The following BRD1 variants were observed in gnomAD, a reference collection of about 807,000 sequenced individuals.
The protein encoded by BRD1 is bromodomain-containing protein 1.
Under a neutral mutation model 107.7 loss-of-function variants are expected in BRD1, and 24 were observed. The observed-to-expected ratio is 0.22, with a 90% CI of 0.16 to 0.31. The LOEUF is 0.31. Ranked by LOEUF, BRD1 falls within the 10% of genes least tolerant of loss-of-function variation. BRD1 has a pLI of 1.00. For missense variants in BRD1, 1,279 were observed against 1,638.6 expected (o/e 0.78, Z 3.79); for synonymous variants, 744 against 686.1 (o/e 1.08, Z -1.32).
intron 2 of BRD1, among the ~76,000 whole-genome samples, chr22:49,812,717 G>A (rs1173793272): frequency 6.6e-6 from 1 of 152,240 alleles, no homozygotes; most frequent in Non-Finnish European, 1.5e-5. Flanking sequence ...AGTCTGACAA[G>A]GTGAAGCAGG....
At chr22:49,784,577 C>A (rs754923365) in intron 8 of BRD1, among the ~76,000 whole-genome samples, 19 of 152,254 alleles carry the variant, frequency 1.2e-4, no homozygotes, top group Admixed American at 2.6e-4. Flanking sequence ...ACCAGCGACC[C>A]TGTTCAGCCT....
rs2059112808 is a variant in BRD1 at position 49,776,982 on chromosome 22, G to C, written c.3121+52C>G. The C allele has an allele frequency of 2.5e-6, 4 of 1,607,582 alleles. No homozygotes were observed. In the Admixed American group the frequency reaches 6.7e-5, roughly 27 times the overall value. Reference sequence around the variant, plus strand: ...CCAGTCCCCAGCAGTCGAGCCCTAAGACGCTAACCAGGAGGTGTGGAGAGC... The same window carrying C: ...CCAGTCCCCAGCAGTCGAGCCCTAACACGCTAACCAGGAGGTGTGGAGAGC... On this transcript the variant is annotated intron_variant, in intron 10 of 12. Coordinates refer to ENST00000404760, the MANE Select transcript of BRD1 (RefSeq NM_001304808.3).
chr22:49,811,418 C>G (rs903512525), intron 2 of BRD1, among the ~76,000 whole-genome samples: 2 of 152,118 alleles, frequency 1.3e-5, no homozygotes, highest in African/African-American at 4.8e-5. Flanking sequence ...GACAAGAGTC[C>G]CCCCTTAACC....
Position 49,783,300 on chromosome 22 carries a change from A to G in BRD1, c.2857+4090T>C, listed in dbSNP as rs9616745. On this transcript the variant is annotated intron_variant, in intron 8 of 12. Coordinates refer to ENST00000404760, the MANE Select transcript of BRD1 (RefSeq NM_001304808.3). The surrounding 1 kb of genome is among the most constrained non-coding windows in gnomAD (Gnocchi z 4.2). ...TGACCAGCAAGAGACAAACAGCAGC[A>G]CTGCTCAAGAATCCACTGGGCATTG... 0.08 allele frequency among the ~76,000 whole-genome samples: 12,260 copies of G among 152,336 alleles called. 644 individuals carry two copies. The highest frequency in any genetic ancestry group is 0.11 in the Non-Finnish European group (7,503 of 68,024).
chr22:49,818,912 T>G (rs1440580339), intron 2 of BRD1, among the ~76,000 whole-genome samples: 1 of 151,532 alleles, frequency 6.6e-6, no homozygotes, highest in African/African-American at 2.4e-5. Flanking sequence ...TCTATACAGG[T>G]GCAACTCAAT....
intron 2 of BRD1, among the ~76,000 whole-genome samples, chr22:49,809,750 A>C (rs1601707845): frequency 6.6e-6 from 1 of 152,146 alleles, no homozygotes; most frequent in Non-Finnish European, 1.5e-5. Context: ...GAAGGAAGTG[A>C]CCAAATTCCA....
chr22:49,813,041 G>A (rs1404510945), intron 2 of BRD1, among the ~76,000 whole-genome samples: 1 of 152,164 alleles, frequency 6.6e-6, no homozygotes, highest in Admixed American at 6.5e-5. Context: ...CAACCCAGAT[G>A]ACTCACCAGG....
intron 7 of BRD1, among the ~76,000 whole-genome samples, chr22:49,793,480 A>C (rs1307855192): frequency 1.3e-5 from 2 of 151,942 alleles, no homozygotes; most frequent in Non-Finnish European, 2.9e-5. Context: ...CTACCTACCA[A>C]CTCTGCAGAG....
intron 7 of BRD1, among the ~76,000 whole-genome samples, chr22:49,789,946 T>A (rs991209185): frequency 5.3e-5 from 8 of 152,120 alleles, no homozygotes; most frequent in African/African-American, 1.9e-4. Context: ...CCCTGGTCTA[T>A]CCCAAAGCGG....
Position 49,774,110 on chromosome 22 carries a change from T to A in BRD1, c.*123A>T. The A allele has an allele frequency of 7.6e-7, 1 of 1,314,576 alleles. No homozygotes were observed. The highest frequency in any genetic ancestry group is 1.0e-6 in the Non-Finnish European group (1 of 987,530). 81.4% of individuals were successfully genotyped at this position (1,314,576 alleles called of 1,614,324 possible). A position where few individuals can be genotyped will look rare whatever the true frequency, so the allele number is the denominator to read the frequency against. On this transcript the variant is annotated 3_prime_UTR_variant, in exon 13 of 13. Coordinates refer to ENST00000404760, the MANE Select transcript of BRD1 (RefSeq NM_001304808.3). ...AAACTTGGAAATAAAACCTCCCCCC[T>A]CCCCGGGGAAAAAGAATTAAAGAGC...
Position 49,794,147 on chromosome 22 carries a change from G to A in BRD1, c.2246C>T (p.Ala749Val). The A allele has an allele frequency of 1.2e-6, 2 of 1,614,250 alleles. No homozygotes were observed. The highest frequency in any genetic ancestry group is 1.7e-5 in the Admixed American group (1 of 60,032). The change falls in exon 7 of 13, where the codon GCC (alanine) becomes GTC (valine). Residue 749 changes from alanine (A) to valine (V), a missense_variant. Physicochemically the swap from Ala to Val is moderately conservative, Grantham distance 64. Around this residue, in one of 7 missense-constraint regions of BRD1, gnomAD observed 406 missense variants for 519.4 expected, o/e 0.78. Coordinates refer to ENST00000404760, the MANE Select transcript of BRD1 (RefSeq NM_001304808.3). ...KRAKLLKKEI[A>V]LLRNKLSQQH... Reference sequence around the variant, plus strand: ...CTGGCTCAGCTTGTTTCGGAGAAGGGCAATTTCCTTTTTGAGCAGCTTTGC... The same window carrying A: ...CTGGCTCAGCTTGTTTCGGAGAAGGACAATTTCCTTTTTGAGCAGCTTTGC...
Position 49,792,152 on chromosome 22 carries a change from C to T in BRD1, c.2359+1882G>A, listed in dbSNP as rs1449118605. On this transcript the variant is annotated intron_variant, in intron 7 of 12. Coordinates refer to ENST00000404760, the MANE Select transcript of BRD1 (RefSeq NM_001304808.3). The surrounding 1 kb of genome is among the most constrained non-coding windows in gnomAD (Gnocchi z 4.2). ...GTGCGGGGTCCTCAGCCCTGTGACC[C>T]AATGGCAATGGAGGAAGCCACTGAT... Among the ~76,000 whole-genome samples the T allele has an allele frequency of 6.7e-6, 1 of 148,586 alleles. No individual in the cohort carries two copies. The highest frequency in any genetic ancestry group is 1.5e-5 in the Non-Finnish European group (1 of 67,830).
intron 7 of BRD1, among the ~76,000 whole-genome samples, chr22:49,790,674 G>A (rs1002740160): frequency 2.4e-4 from 36 of 152,210 alleles, no homozygotes; most frequent in Admixed American, 7.2e-4. Flanking sequence ...AAATCACAGC[G>A]TAACACAGGC....
intron 2 of BRD1, among the ~76,000 whole-genome samples, chr22:49,813,629 C>T (rs941628970): frequency 6.6e-6 from 1 of 151,550 alleles, no homozygotes; most frequent in Non-Finnish European, 1.5e-5. Context: ...GTCAAGAGTT[C>T]GAGACCAGCC....
intron 2 of BRD1, among the ~76,000 whole-genome samples, chr22:49,821,206 G>A (rs769542089): frequency 1.2e-4 from 19 of 152,290 alleles, no homozygotes; most frequent in East Asian, 3.9e-4. Flanking sequence ...GGCCAGGCCC[G>A]GCCTCTCCCA....
chr22:49,798,317 G>A (rs1038202845), intron 5 of BRD1, among the ~76,000 whole-genome samples, 200 bp from the exon 6 acceptor site: 1 of 152,232 alleles, frequency 6.6e-6, no homozygotes, highest in South Asian at 2.1e-4. Context: ...GCTGGAGGGT[G>A]CCGGGCGGAT....
intron 2 of BRD1, among the ~76,000 whole-genome samples, chr22:49,818,830 G>A (rs1007051286): frequency 1.3e-5 from 2 of 151,982 alleles, no homozygotes; most frequent in African/African-American, 4.8e-5. Context: ...AGCTTGTAGT[G>A]AGCCGAGATC....
chr22:49,795,437 C>A (rs2059512413), intron 6 of BRD1, among the ~76,000 whole-genome samples: 1 of 152,108 alleles, frequency 6.6e-6, no homozygotes, highest in African/African-American at 2.4e-5. Flanking sequence ...TTCTCCTTAG[C>A]AAAAAAACCC....
rs113932793 is a variant in BRD1 at position 49,792,905 on chromosome 22, A to G, written c.2359+1129T>C. Among the ~76,000 whole-genome samples, 248 of 152,316 alleles carry G rather than the reference A, an allele frequency of 1.6e-3. 1 individual carries two copies. Among genetic ancestry groups the G allele is most frequent in the African/African-American group, 5.4e-3 (224 of 41,558 alleles). ...AGGGGATGAAAAGGGCCCTGAGACC[A>G]TGGGGACCCGCTGACCTGTGTGGCA... is the stretch of plus-strand genomic sequence containing the variant. On this transcript the variant is annotated intron_variant, in intron 7 of 12. Transcript: ENST00000404760. This position sits in a 1 kb window ranked among gnomAD's most constrained non-coding sequence, Gnocchi z 4.2.
Sources: gnomAD v4.1 joint callset for allele counts (sites outside exome capture counted in the v4.1 genomes callset) on GRCh38, gnomAD v4.1.1 for gene constraint, gnomAD v4.1.1 regional missense constraint, Gnocchi (gnomAD v3.1) non-coding constraint, MANE v1.5 for transcripts, NCBI Gene and HGNC (gene_info 2026-07-23, HGNC 2026-07-21) for gene names.